Variants in LARP4B observed in about 807,000 individuals in gnomAD.
LARP4B encodes La ribonucleoprotein 4B, also known as la-related protein 4B.
LARP4B carries 12 observed loss-of-function variants against 89.8 expected under a neutral mutation model. That is an observed-to-expected ratio of 0.13 (90% CI 0.09 to 0.22). LARP4B has a LOEUF of 0.22. Ranked by LOEUF, LARP4B falls within the 10% of genes least tolerant of loss-of-function variation. The pLI is 1.00. For synonymous variants in LARP4B, 367 were observed against 363.3 expected, an observed-to-expected ratio of 1.01 and a Z score of -0.12; for missense variants, 757 against 947.7, an observed-to-expected ratio of 0.80 and a Z score of 2.64.
intron 1 of LARP4B, among the ~76,000 whole-genome samples, chr10:896,875 A>G (rs1048157326): frequency 1.3e-5 from 2 of 152,186 alleles, no homozygotes; most frequent in African/African-American, 4.8e-5. Context: ...TATGAAGAGG[A>G]AGACATCCCA....
the LARP4B span, among the ~76,000 whole-genome samples, chr10:958,996 G>A: frequency 6.6e-6 from 1 of 152,208 alleles, no homozygotes; most frequent in Non-Finnish European, 1.5e-5. Flanking sequence ...TGGAAGAGTG[G>A]AGTCTCTGGG....
chr10:912,349 A>G (rs187975561), intron 1 of LARP4B, among the ~76,000 whole-genome samples: 78 of 152,256 alleles, frequency 5.1e-4, no homozygotes, highest in African/African-American at 1.7e-3. Flanking sequence ...ATACTGTTTT[A>G]AGAACATTTA....
chr10:817,711 AAT>A lies in LARP4B; in HGVS notation c.1695+12_1695+13del. On this transcript the variant is annotated intron_variant, in intron 15 of 17. Coordinates refer to ENST00000316157, the MANE Select transcript of LARP4B (RefSeq NM_015155.3). The stretch of plus-strand genomic sequence containing the variant: ...CACTGTTGGCAACTATTAGACATGC[AAT>A]ATATCCCTTACCCTTTCTTTGGATG... 6.2e-7 allele frequency: 1 copy of A among 1,609,684 alleles called. No individual in the cohort carries two copies. The highest frequency in any genetic ancestry group is 2.2e-5 in the East Asian group (1 of 44,764).
chr10:819,554 C>T (rs1170869977), intron 14 of LARP4B: 1 of 152,276 alleles, frequency 6.6e-6, no homozygotes, highest in Non-Finnish European at 1.5e-5. Context: ...GGGCCACAAG[C>T]CGAAGCTTCA....
chr10:909,742 G>A lies in LARP4B; in HGVS notation c.-40+21686C>T, dbSNP rs558600621. ...GGAGGTTGCAGTGAGCTGAGATCGCGCCACTGCACTCCAGCCTGGGTAACA... is the reference window on the plus strand; with the variant it reads ...GGAGGTTGCAGTGAGCTGAGATCGCACCACTGCACTCCAGCCTGGGTAACA... On this transcript the variant is annotated intron_variant, in intron 1 of 17. Coordinates refer to ENST00000316157, the MANE Select transcript of LARP4B (RefSeq NM_015155.3). Among the ~76,000 whole-genome samples the A allele has an allele frequency of 9.9e-5, 15 of 151,798 alleles. No individual in the cohort carries two copies. In the South Asian group the frequency reaches 2.1e-3, roughly 21 times the overall value.
Position 812,380 on chromosome 10 carries a change from C to G in LARP4B, c.*546G>C, listed in dbSNP as rs1485399726. On this transcript the variant is annotated 3_prime_UTR_variant, in exon 18 of 18. Coordinates refer to ENST00000316157, the MANE Select transcript of LARP4B (RefSeq NM_015155.3). ...TCTACATTCTTAAATGCCACAGTCCCCTACCAACGGCTTAGGTGGAAGCAC... is the reference window on the plus strand; with the variant it reads ...TCTACATTCTTAAATGCCACAGTCCGCTACCAACGGCTTAGGTGGAAGCAC... 1.3e-5 allele frequency: 2 copies of G among 152,400 alleles called. No homozygotes were observed. Among genetic ancestry groups the G allele is most frequent in the East Asian group, 1.9e-4 (1 of 5,194 alleles). The allele number at this position is 152,400 out of a possible 1,614,324, so 9.4% of individuals were successfully genotyped here.
At chr10:901,954 C>T (rs1836356780) in intron 1 of LARP4B, among the ~76,000 whole-genome samples, 1 of 152,102 alleles carries the variant, frequency 6.6e-6, no homozygotes, top group African/African-American at 2.4e-5. Context: ...GAGAAGACCA[C>T]CAAATAATAT....
At chr10:864,938 CA>C (rs1834821759) in intron 3 of LARP4B, among the ~76,000 whole-genome samples, 1 of 152,076 alleles carries the variant, frequency 6.6e-6, no homozygotes, top group Non-Finnish European at 1.5e-5. Flanking sequence ...GGGGACAGAG[CA>C]GAACTCCATC....
intron 7 of LARP4B, 87 bp from the exon 8 acceptor site, chr10:836,593 ACTAAATAAG>A (rs892790893): frequency 1.2e-6 from 1 of 836,884 alleles, no homozygotes. Context: ...TTACTATATT[ACTAAATAAG>A]CTAAAGAAAC....
intron 1 of LARP4B, among the ~76,000 whole-genome samples, chr10:923,122 T>C (rs911916174): frequency 1.3e-5 from 2 of 151,952 alleles, no homozygotes; most frequent in African/African-American, 4.8e-5. Flanking sequence ...AAAAAGACTT[T>C]CACAGTAAGC....
chr10:972,188 T>C, the LARP4B span: 1 of 304,072 alleles, frequency 3.3e-6, no homozygotes, highest in Non-Finnish European at 6.5e-6. Context: ...TCAACACGCC[T>C]GGGTAATTTT....
At chr10:884,888 C>T (rs984747198) in intron 2 of LARP4B, among the ~76,000 whole-genome samples, 2 of 152,144 alleles carry the variant, frequency 1.3e-5, no homozygotes, top group Non-Finnish European at 2.9e-5. Flanking sequence ...AAACTATTTA[C>T]AAATCACTAC....
intron 1 of LARP4B, among the ~76,000 whole-genome samples, chr10:914,788 T>C (rs1836772237): frequency 7.0e-6 from 1 of 143,592 alleles, no homozygotes; most frequent in Non-Finnish European, 1.5e-5. Flanking sequence ...GCTACAGAGG[T>C]AGACTCAGCG....
intron 5 of LARP4B, among the ~76,000 whole-genome samples, chr10:851,654 A>G (rs975617076): frequency 2.0e-5 from 3 of 152,198 alleles, no homozygotes; most frequent in African/African-American, 4.8e-5. Flanking sequence ...AAATCCCACA[A>G]CTCAGATGAA....
intron 4 of LARP4B, 89 bp from the exon 5 acceptor site, chr10:863,972 T>C: frequency 6.4e-7 from 1 of 1,557,014 alleles, no homozygotes; most frequent in Non-Finnish European, 8.7e-7. Flanking sequence ...ACTCAACTTC[T>C]TTAGACTGTA....
chr10:831,017 T>G, intron 8 of LARP4B, 40 bp from the exon 9 acceptor site: 1 of 821,746 alleles, frequency 1.2e-6, no homozygotes, highest in Non-Finnish European at 2.0e-6. Context: ...TTCTCAACAA[T>G]GTCAGTTTTT....
chr10:983,724 G>A, the LARP4B span, among the ~76,000 whole-genome samples: 2 of 152,090 alleles, frequency 1.3e-5, no homozygotes, highest in Non-Finnish European at 2.9e-5. Context: ...CTTAACACTG[G>A]GAGACAGGGC....
At chr10:834,801 T>C (rs1588881430) in intron 8 of LARP4B, among the ~76,000 whole-genome samples, 1 of 152,206 alleles carries the variant, frequency 6.6e-6, no homozygotes, top group Non-Finnish European at 1.5e-5. Context: ...AATTAGGATC[T>C]ATGTTTTAAA....
intron 1 of LARP4B, among the ~76,000 whole-genome samples, chr10:928,303 T>C (rs1280778172): frequency 6.6e-6 from 1 of 152,080 alleles, no homozygotes; most frequent in Admixed American, 6.5e-5. Context: ...AACACATCTA[T>C]ACAGCTTTTT....
Sources: gnomAD v4.1 joint callset for allele counts (sites outside exome capture counted in the v4.1 genomes callset) on GRCh38, gnomAD v4.1.1 for gene constraint, MANE v1.5 for transcripts, NCBI Gene and HGNC (gene_info 2026-07-23, HGNC 2026-07-21) for gene names.